GUCY1A1: variants seen among roughly 807,000 people sequenced by gnomAD.
The protein encoded by GUCY1A1 is guanylate cyclase soluble subunit alpha-1.
GUCY1A1 carries 48 observed loss-of-function variants against 64.5 expected under a neutral mutation model. That is an observed-to-expected ratio of 0.74 (90% CI 0.59 to 0.95). The LOEUF is 0.95. GUCY1A1 is among the 40% of genes least tolerant of loss of function. GUCY1A1 has a pLI of 0.00. For missense variants in GUCY1A1, 804 were observed against 825.3 expected, an observed-to-expected ratio of 0.97 and a Z score of 0.32; for synonymous variants, 308 against 303.4, an observed-to-expected ratio of 1.02 and a Z score of -0.16.
At chr4:155,715,691 T>C (rs1277867428) in intron 7 of GUCY1A1, among the ~76,000 whole-genome samples, 4 of 152,184 alleles carry the variant, frequency 2.6e-5, no homozygotes. Context: ...GCACCTGTGA[T>C]GGCCATCATG....
chr4:155,688,948 T>G (rs753351215), intron 2 of GUCY1A1, among the ~76,000 whole-genome samples: 5 of 151,668 alleles, frequency 3.3e-5, no homozygotes, highest in African/African-American at 4.9e-5. Context: ...CAGCCTTGAG[T>G]CTGCTGAGTT....
chr4:155,691,361 GA>G (rs1241613128), intron 2 of GUCY1A1, among the ~76,000 whole-genome samples: 2 of 152,156 alleles, frequency 1.3e-5, no homozygotes, highest in Non-Finnish European at 2.9e-5. Context: ...ATACCACAGG[GA>G]AAGTTCTATA....
Position 155,735,909 on chromosome 4 carries a change from T to C in GUCY1A1, c.*5678T>C, listed in dbSNP as rs1440920715. The C allele has an allele frequency of 2.0e-5, 3 of 152,064 alleles. No homozygotes were observed. In the East Asian group the frequency reaches 5.8e-4, roughly 30 times the overall value. 9.4% of individuals were successfully genotyped at this position (152,064 alleles called of 1,614,324 possible). ...ATAATCATTCCCAGTGATACAGGGATGTGCAGCATCCAGACACTGCTTAAT... is the reference window on the plus strand; with the variant it reads ...ATAATCATTCCCAGTGATACAGGGACGTGCAGCATCCAGACACTGCTTAAT... On this transcript the variant is annotated 3_prime_UTR_variant, in exon 10 of 10. Transcript: ENST00000506455.
In GUCY1A1 at chr4:155,713,104, G is replaced by A. The variant is rs1389230507; in HGVS notation, c.1093G>A (p.Asp365Asn). The A allele has an allele frequency of 1.9e-6, 3 of 1,608,470 alleles. No homozygotes were observed. Among genetic ancestry groups the A allele is most frequent in the Non-Finnish European group, 1.7e-6 (2 of 1,176,800 alleles). ...GTTATCCTTTCCTTCATAGGTTATG[G>A]ACCTCAAAGGCCAAATGATCTACAT... ...NSVKKSSRVM[D>N]LKGQMIYIVE... The change falls in exon 7 of 10, where the codon GAC becomes AAC. Residue 365 changes from aspartate (D) to asparagine (N), a missense_variant. Transcript: ENST00000506455.
chr4:155,723,098 A>G (rs891538616), intron 9 of GUCY1A1, among the ~76,000 whole-genome samples: 1 of 152,100 alleles, frequency 6.6e-6, no homozygotes, highest in Non-Finnish European at 1.5e-5. Flanking sequence ...TCTCATTAAT[A>G]TAAACTCAAA....
At chr4:155,688,951 G>C (rs1729377177) in intron 2 of GUCY1A1, among the ~76,000 whole-genome samples, 1 of 151,834 alleles carries the variant, frequency 6.6e-6, no homozygotes, top group South Asian at 2.1e-4. Flanking sequence ...CCTTGAGTCT[G>C]CTGAGTTATG....
chr4:155,708,317 T>C (rs1560946376), intron 5 of GUCY1A1, 23 bp downstream of exon 5: 1 of 1,315,814 alleles, frequency 7.6e-7, no homozygotes, highest in East Asian at 2.3e-5. Context: ...TTTATGTAAT[T>C]AGAAAGTATG....
intron 2 of GUCY1A1, among the ~76,000 whole-genome samples, chr4:155,672,925 A>G (rs992916719): frequency 2.6e-5 from 4 of 152,186 alleles, no homozygotes; most frequent in African/African-American, 9.6e-5. Flanking sequence ...ATCATTCTAC[A>G]TGCTGGACCT....
Position 155,732,152 on chromosome 4 carries a change from T to G in GUCY1A1, c.*1921T>G, listed in dbSNP as rs1268363544. ...AGCAGACCTCAATTTGCTTACAATC[T>G]GTACTCAAAAAGTTTATAATTCAAT... On this transcript the variant is annotated 3_prime_UTR_variant, in exon 10 of 10. Transcript: ENST00000506455. 6.6e-6 allele frequency: 1 copy of G among 151,882 alleles called. No individual in the cohort carries two copies. Among genetic ancestry groups the G allele is most frequent in the Non-Finnish European group, 1.5e-5 (1 of 67,876 alleles). The allele number at this position is 151,882 out of a possible 1,614,324, so 9.4% of individuals were successfully genotyped here.
rs545344070 is a variant in GUCY1A1, at chr4:155,735,097, T to G, written c.*4866T>G. 1 of 152,074 alleles carries G rather than the reference T, an allele frequency of 6.6e-6. No homozygotes were observed. Among genetic ancestry groups the G allele is most frequent in the African/African-American group, 2.4e-5 (1 of 41,542 alleles). The allele number at this position is 152,074 out of a possible 1,614,324, so 9.4% of individuals were successfully genotyped here. On this transcript the variant is annotated 3_prime_UTR_variant, in exon 10 of 10. Coordinates refer to ENST00000506455, the MANE Select transcript of GUCY1A1 (RefSeq NM_001130682.3). Reference sequence around the variant, plus strand: ...TCAGTATTCTTATTTTAAGCTGCAGTAATCACTGTACATTTGATTGCCATC... The same window carrying G: ...TCAGTATTCTTATTTTAAGCTGCAGGAATCACTGTACATTTGATTGCCATC...
intron 2 of GUCY1A1, among the ~76,000 whole-genome samples, chr4:155,676,259 G>A (rs1734913102): frequency 6.7e-6 from 1 of 148,720 alleles, no homozygotes; most frequent in Non-Finnish European, 1.5e-5. Context: ...AATAGAAAGA[G>A]GAAGACCAAA....
At chr4:155,681,625 G>C (rs1275912593) in intron 2 of GUCY1A1, among the ~76,000 whole-genome samples, 1 of 152,074 alleles carries the variant, frequency 6.6e-6, no homozygotes, top group African/African-American at 2.4e-5. Flanking sequence ...TCGAACACGT[G>C]TCCTCTTTCA....
rs11946662 is a variant in GUCY1A1, at chr4:155,735,437, G to T, written c.*5206G>T. The T allele has an allele frequency of 8.9e-4, 136 of 152,014 alleles. 1 individual carries two copies. The highest frequency in any genetic ancestry group is 3.1e-3 in the African/African-American group (130 of 41,506). The allele number at this position is 152,014 out of a possible 1,614,324, so 9.4% of individuals were successfully genotyped here. A position where few individuals can be genotyped will look rare whatever the true frequency, so the allele number is the denominator to read the frequency against. On this transcript the variant is annotated 3_prime_UTR_variant, in exon 10 of 10. Transcript: ENST00000506455. ...TAATATCTTGGATTTAAACATTGGG[G>T]TAGAAATCAGGACAAAATTTAAATG... is the stretch of plus-strand genomic sequence containing the variant.
At chr4:155,668,898 G>A (rs181283683) in intron 2 of GUCY1A1, among the ~76,000 whole-genome samples, 10 of 152,260 alleles carry the variant, frequency 6.6e-5, no homozygotes, top group Non-Finnish European at 1.2e-4. Flanking sequence ...TCTTCAAGGG[G>A]CCGTGAAGTC....
intron 6 of GUCY1A1, among the ~76,000 whole-genome samples, chr4:155,711,675 T>C (rs1484915344): frequency 6.6e-6 from 1 of 152,184 alleles, no homozygotes; most frequent in Non-Finnish European, 1.5e-5. Flanking sequence ...AAACAAATAA[T>C]TTATTTGATT....
Position 155,713,497 on chromosome 4 carries a change from C to T in GUCY1A1, c.1486C>T (p.Gln496Ter). 6.2e-7 allele frequency: 1 copy of T among 1,614,124 alleles called. No individual in the cohort carries two copies. Among genetic ancestry groups the T allele is most frequent in the Non-Finnish European group, 8.5e-7 (1 of 1,179,976 alleles). ...CGTTGGGTTCACTGCCATCTGCTCC[C>T]AGTGCTCACCGCTGCAGGTCATCAC... is the stretch of plus-strand genomic sequence containing the variant. ...DIVGFTAICS[Q>*]CSPLQVITML... is the part of the protein sequence containing the mutation. Residue 496 changes from glutamine (Q) to a stop codon, truncating the protein, a stop_gained, in exon 7 of 10, where the codon CAG becomes TAG. Coordinates refer to ENST00000506455, the MANE Select transcript of GUCY1A1 (RefSeq NM_001130682.3). LOFTEE classifies it high-confidence loss of function.
chr4:155,722,181 A>C lies in GUCY1A1; in HGVS notation c.1860A>C (p.Pro620=), dbSNP rs914172483. The C allele has an allele frequency of 1.2e-6, 2 of 1,612,700 alleles. No homozygotes were observed. Among genetic ancestry groups the C allele is most frequent in the Non-Finnish European group, 1.7e-6 (2 of 1,179,058 alleles). Residue 620 remains proline (P), a synonymous_variant, in exon 9 of 10, where the codon CCA becomes CCC. Transcript: ENST00000506455. The part of the protein sequence containing the change: ...CSVPRKINVS[P]TTYRLLKDCP... ...TACCACGAAAAATCAATGTCAGCCC[A>C]ACAACTTACAGGTAGTAATTATGTT...
intron 2 of GUCY1A1, among the ~76,000 whole-genome samples, chr4:155,689,361 T>C (rs190032213): frequency 6.6e-6 from 1 of 152,114 alleles, no homozygotes; most frequent in Non-Finnish European, 1.5e-5. Context: ...GAAAATTGGT[T>C]GAAAAGTTTA....
Sources: gnomAD v4.1 joint callset for allele counts (sites outside exome capture counted in the v4.1 genomes callset) on GRCh38, gnomAD v4.1.1 for gene constraint, MANE v1.5 for transcripts, NCBI Gene and HGNC (gene_info 2026-07-23, HGNC 2026-07-21) for gene names.